The following GIGYF2 variants were observed in gnomAD, a reference collection of about 807,000 sequenced individuals.
GIGYF2 encodes GRB10 interacting GYF protein 2.
In GIGYF2, 25 loss-of-function variants were observed where a neutral mutation model predicts 208.1. The observed-to-expected ratio is 0.12, with a 90% CI of 0.09 to 0.17. The LOEUF is 0.17. Ranked by LOEUF, GIGYF2 falls within the 10% of genes least tolerant of loss-of-function variation. GIGYF2 has a pLI of 1.00. For synonymous variants in GIGYF2, 534 were observed against 543.8 expected (o/e 0.98, Z 0.25); for missense variants, 1,302 against 1,579.4 (o/e 0.82, Z 2.98).
At chr2:232,778,742 G>A (rs1391004687) in intron 8 of GIGYF2, among the ~76,000 whole-genome samples, 1 of 152,180 alleles carries the variant, frequency 6.6e-6, no homozygotes, top group Non-Finnish European at 1.5e-5. Context: ...CATTGGAATA[G>A]GGATGTGGAG....
intron 8 of GIGYF2, among the ~76,000 whole-genome samples, chr2:232,782,210 A>C (rs283482): frequency 6.6e-6 from 1 of 151,502 alleles, no homozygotes; most frequent in Admixed American, 6.6e-5. Context: ...TTTTTAAAAA[A>C]TTTTTTTTTA....
rs764769460 is a variant in GIGYF2 at position 232,819,849 on chromosome 2, G to A, written c.2393G>A (p.Arg798Gln). ...RKQEEALRRQREQEIALRRQR... is the reference protein window; with the variant it reads ...RKQEEALRRQQEQEIALRRQR... ...TAGGAAGAGGCTCTGCGTCGCCAGC[G>A]GGAGCAAGAAATTGCATTAAGGCGA... Residue 798 changes from arginine (R) to glutamine (Q), a missense_variant, in exon 21 of 29, where the codon CGG (arginine) becomes CAG (glutamine). By Grantham distance (43) the Arg-to-Gln change is conservative (BLOSUM62 1). Coordinates refer to ENST00000373563, the MANE Select transcript of GIGYF2 (RefSeq NM_001103146.3). The A allele has an allele frequency of 2.5e-5, 39 of 1,574,796 alleles. No individual in the cohort carries two copies. The highest frequency in any genetic ancestry group is 4.6e-5 in the East Asian group (2 of 43,890).
In GIGYF2 at chr2:232,815,639, T is replaced by G; in HGVS notation, c.2110T>G (p.Trp704Gly). ...LQPTASQPTVWEGGSVWDLPL... is the reference protein window; with the variant it reads ...LQPTASQPTVGEGGSVWDLPL... ...TTGTTTCTTTTGTTGTCTTACAGTTTGGGAAGGTGGTAGTGTATGGGATCT... is the reference window on the plus strand; with the variant it reads ...TTGTTTCTTTTGTTGTCTTACAGTTGGGGAAGGTGGTAGTGTATGGGATCT... Residue 704 changes from tryptophan to glycine, a missense_variant and splice_region_variant, in exon 19 of 29, where the codon TGG becomes GGG. Coordinates refer to ENST00000373563, the MANE Select transcript of GIGYF2 (RefSeq NM_001103146.3). The G allele has an allele frequency of 6.6e-7, 1 of 1,509,368 alleles. No individual in the cohort carries two copies. Among genetic ancestry groups the G allele is most frequent in the Non-Finnish European group, 9.2e-7 (1 of 1,084,460 alleles). 93.5% of individuals were successfully genotyped at this position (1,509,368 alleles called of 1,614,324 possible).
chr2:232,818,210 A>T (rs1181870231), intron 20 of GIGYF2, among the ~76,000 whole-genome samples: 1 of 152,140 alleles, frequency 6.6e-6, no homozygotes, highest in Non-Finnish European at 1.5e-5. Context: ...TTTGGCTAAG[A>T]CTTCTGCCTT....
intron 8 of GIGYF2, chr2:232,767,078 T>C (rs1031135636): frequency 3.9e-5 from 6 of 152,196 alleles, no homozygotes; most frequent in Admixed American, 6.5e-5. Flanking sequence ...GGAAACATAA[T>C]TTTTATAGAC....
At chr2:232,813,948 C>T (rs909204227) in intron 18 of GIGYF2, among the ~76,000 whole-genome samples, 3 of 137,480 alleles carry the variant, frequency 2.2e-5, no homozygotes, top group African/African-American at 8.2e-5. Flanking sequence ...TGTGTAGTGG[C>T]ACAATCTCGG....
At chr2:232,730,754 C>G (rs570242663) in intron 2 of GIGYF2, among the ~76,000 whole-genome samples, 51 of 147,836 alleles carry the variant, frequency 3.4e-4, no homozygotes, top group African/African-American at 1.2e-3. Context: ...AAAAATTAGC[C>G]GGGCGTAGTG....
chr2:232,844,276 T>C, intron 24 of GIGYF2, 21 bp downstream of exon 24: 1 of 1,604,674 alleles, frequency 6.2e-7, no homozygotes, highest in Non-Finnish European at 8.5e-7. Flanking sequence ...TTTCCTAAGC[T>C]GTCGTTGTAT....
intron 22 of GIGYF2, among the ~76,000 whole-genome samples, chr2:232,837,242 A>G (rs914124204): frequency 2.6e-5 from 4 of 152,166 alleles, no homozygotes; most frequent in African/African-American, 9.6e-5. Context: ...CCAGGAAGAA[A>G]GCCTGCTGAC....
intron 3 of GIGYF2, among the ~76,000 whole-genome samples, chr2:232,742,144 G>A (rs1463009572): frequency 1.3e-5 from 2 of 152,244 alleles, no homozygotes; most frequent in African/African-American, 4.8e-5. Flanking sequence ...ACTTCATGAT[G>A]CATAATGTTT....
chr2:232,761,869 T>G (rs1698751096), intron 8 of GIGYF2, among the ~76,000 whole-genome samples: 1 of 148,266 alleles, frequency 6.7e-6, no homozygotes. Context: ...TCTTGTTTTG[T>G]GATGAGAACA....
At chr2:232,793,103 A>T (rs1700120227) in intron 12 of GIGYF2, among the ~76,000 whole-genome samples, 1 of 152,158 alleles carries the variant, frequency 6.6e-6, no homozygotes, top group Admixed American at 6.5e-5. Context: ...AGTACTAGGG[A>T]GCAGTGAAAG....
Position 232,790,778 on chromosome 2 carries a change from G to A in GIGYF2, c.793G>A (p.Glu265Lys), listed in dbSNP as rs1288984635. Residue 265 changes from glutamate (E) to lysine (K), a missense_variant, in exon 10 of 29, where the codon GAA becomes AAA. This residue lies in a region of GIGYF2 where 50 missense variants were observed against 42.3 expected (regional missense o/e 1.18). Coordinates refer to ENST00000373563, the MANE Select transcript of GIGYF2 (RefSeq NM_001103146.3). ...GTTTGATTTTCGAGATAGAGATGAT[G>A]AACGGGGTTACCGAAGGGTTCGCTC... Reference protein sequence around the residue: ...FEFDFRDRDDERGYRRVRSGS... With the variant: ...FEFDFRDRDDKRGYRRVRSGS... 6.2e-7 allele frequency: 1 copy of A among 1,614,154 alleles called. No homozygotes were observed.
chr2:232,833,617 G>T (rs1242895095), intron 22 of GIGYF2, among the ~76,000 whole-genome samples: 1 of 152,224 alleles, frequency 6.6e-6, no homozygotes, highest in East Asian at 1.9e-4. Flanking sequence ...AAGTAAATCT[G>T]TTTGGTTTGT....
chr2:232,790,802 T>A lies in GIGYF2; in HGVS notation c.817T>A (p.Ser273Thr), dbSNP rs1700047371. The A allele has an allele frequency of 6.2e-7, 1 of 1,614,100 alleles. No individual in the cohort carries two copies. The highest frequency in any genetic ancestry group is 8.5e-7 in the Non-Finnish European group (1 of 1,179,966). ...TGAACGGGGTTACCGAAGGGTTCGC[T>A]CTGGCAGTGGGAGCATAGATGATGA... is the stretch of plus-strand genomic sequence containing the variant. ...DDERGYRRVR[S>T]GSGSIDDDRD... Residue 273 changes from serine (S) to threonine (T), a missense_variant, in exon 10 of 29, where the codon TCT (serine) becomes ACT (threonine). Physicochemically the swap from Ser to Thr is moderately conservative, Grantham distance 58. Transcript: ENST00000373563.
rs1386761086 is a variant in GIGYF2 at position 232,836,309 on chromosome 2, T to C, written c.2766+3216T>C. 9.9e-4 allele frequency among the ~76,000 whole-genome samples: 20 copies of C among 20,282 alleles called. 1 individual carries two copies. The highest frequency in any genetic ancestry group is 2.3e-3 in the South Asian group (2 of 874). 13.3% of individuals were successfully genotyped at this position (20,282 alleles called of 152,430 possible). A position where few individuals can be genotyped will look rare whatever the true frequency, so the allele number is the denominator to read the frequency against. On this transcript the variant is annotated intron_variant, in intron 22 of 28. Transcript: ENST00000373563. The stretch of plus-strand genomic sequence containing the variant: ...ATATATATATATATATATATATATA[T>C]ATATATATATATATATATATACATA...
chr2:232,804,100 T>C (rs1416269008), intron 14 of GIGYF2, among the ~76,000 whole-genome samples: 1 of 152,166 alleles, frequency 6.6e-6, no homozygotes, highest in Non-Finnish European at 1.5e-5. Flanking sequence ...TAATCTTCTT[T>C]TAAAAAAATT....
At chr2:232,812,856 C>T (rs894154394) in intron 18 of GIGYF2, among the ~76,000 whole-genome samples, 1 of 152,094 alleles carries the variant, frequency 6.6e-6, no homozygotes, top group East Asian at 1.9e-4. Context: ...TTAATACAAG[C>T]TAGGCATGGT....
intron 21 of GIGYF2, among the ~76,000 whole-genome samples, chr2:232,820,807 C>CTT (rs1701056462): frequency 6.6e-6 from 1 of 151,788 alleles, no homozygotes; most frequent in African/African-American, 2.4e-5. Flanking sequence ...TTTGTATTCT[C>CTT]TTTTTGGTTT....
Sources: allele counts gnomAD v4.1 joint callset (sites outside exome capture counted in the v4.1 genomes callset), GRCh38; gene constraint gnomAD v4.1.1; regional missense constraint gnomAD v4.1.1; transcripts MANE v1.5; gene names NCBI Gene and HGNC (gene_info 2026-07-23, HGNC 2026-07-21).